LAMA4: variants seen among roughly 807,000 people sequenced by gnomAD.
LAMA4 encodes the protein laminin subunit alpha-4.
LAMA4 carries 127 observed loss-of-function variants against 207.1 expected under a neutral mutation model. That is an observed-to-expected ratio of 0.61 (90% CI 0.53 to 0.71). The LOEUF (loss-of-function observed/expected upper bound fraction) is 0.71, where lower values mean the gene tolerates loss of function less well. LAMA4 is among the 30% of genes least tolerant of loss of function. The pLI, the probability that LAMA4 is intolerant of heterozygous loss-of-function variation, is 0.00. For missense variants in LAMA4, 2,093 were observed against 2,246.5 expected, an observed-to-expected ratio of 0.93 and a Z score of 1.38; for synonymous variants, 761 against 816.0, an observed-to-expected ratio of 0.93 and a Z score of 1.15.
intron 2 of LAMA4, among the ~76,000 whole-genome samples, chr6:112,245,007 C>A (rs953543014): frequency 6.6e-6 from 1 of 152,172 alleles, no homozygotes; most frequent in African/African-American, 2.4e-5. Context: ...TACAATTAAA[C>A]CGCAGCCCAT....
At chr6:112,196,201 C>T (rs1007738282) in intron 5 of LAMA4, among the ~76,000 whole-genome samples, 1 of 152,010 alleles carries the variant, frequency 6.6e-6, no homozygotes. Context: ...TCTTTTCTAG[C>T]TTTTTGAAAA....
intron 2 of LAMA4, chr6:112,234,210 T>G (rs2114288920): frequency 6.6e-6 from 1 of 152,286 alleles, no homozygotes; most frequent in South Asian, 2.1e-4. Context: ...CAAAATGAGC[T>G]AAGCAAGATA....
rs782251597 is a variant in LAMA4 at position 112,133,468 on chromosome 6, G to T, written c.3577C>A (p.Pro1193Thr). ...CATCCTCTGAAGTTGATATCTAGGG[G>T]AAGGTGTGCTCTGAGGGCCCTGGAA... Reference protein sequence around the residue: ...LQSRALRAHLPLDINFRGCMK... With the variant: ...LQSRALRAHLTLDINFRGCMK... The change falls in exon 27 of 39, where the codon CCC becomes ACC. Residue 1193 changes from proline (P) to threonine (T), a missense_variant. Physicochemically the swap from Pro to Thr is conservative, Grantham distance 38 (BLOSUM62 -1). This residue lies in a region of LAMA4 where 1,704 missense variants were observed against 1,788.4 expected (regional missense o/e 0.95). Transcript: ENST00000230538. 6.2e-6 allele frequency: 10 copies of T among 1,613,566 alleles called. No individual in the cohort carries two copies. Among genetic ancestry groups the T allele is most frequent in the Non-Finnish European group, 7.6e-6 (9 of 1,179,698 alleles).
intron 2 of LAMA4, among the ~76,000 whole-genome samples, chr6:112,244,698 C>T (rs372740848): frequency 2.0e-5 from 3 of 152,206 alleles, no homozygotes; most frequent in African/African-American, 4.8e-5. Context: ...CAAGCACCCA[C>T]ACCTCCCCTC....
chr6:112,230,821 A>G (rs782422979), intron 2 of LAMA4, among the ~76,000 whole-genome samples: 7 of 152,212 alleles, frequency 4.6e-5, no homozygotes, highest in Non-Finnish European at 1.0e-4. Context: ...TATGTATTGG[A>G]TGTGTCTTGG....
At chr6:112,193,762 C>A (rs976670688) in intron 5 of LAMA4, among the ~76,000 whole-genome samples, 1 of 152,144 alleles carries the variant, frequency 6.6e-6, no homozygotes, top group South Asian at 2.1e-4. Flanking sequence ...GTGCAAGGTC[C>A]AAACCTTCTG....
At chr6:112,163,227 C>T (rs558851773) in intron 13 of LAMA4, among the ~76,000 whole-genome samples, 2 of 152,174 alleles carry the variant, frequency 1.3e-5, no homozygotes, top group East Asian at 1.9e-4. Context: ...CACTTTCCCC[C>T]ACCTTGGCCT....
intron 38 of LAMA4, among the ~76,000 whole-genome samples, chr6:112,110,989 G>C (rs1777657018): frequency 6.6e-6 from 1 of 152,166 alleles, no homozygotes; most frequent in African/African-American, 2.4e-5. Context: ...TTCAGTAGAG[G>C]AATGAATGGT....
intron 2 of LAMA4, among the ~76,000 whole-genome samples, chr6:112,217,070 T>C (rs1554359022): frequency 6.6e-6 from 1 of 152,212 alleles, no homozygotes; most frequent in East Asian, 1.9e-4. Context: ...CATATATGTA[T>C]TTCATTTGTC....
chr6:112,205,946 G>A (rs567935644), intron 4 of LAMA4, among the ~76,000 whole-genome samples: 20 of 152,308 alleles, frequency 1.3e-4, no homozygotes, highest in Admixed American at 3.9e-4. Context: ...TTGGTGACAC[G>A]TGGAGGTGCT....
chr6:112,247,957 A>G (rs1787116607), intron 2 of LAMA4, among the ~76,000 whole-genome samples: 1 of 152,226 alleles, frequency 6.6e-6, no homozygotes, highest in Non-Finnish European at 1.5e-5. Context: ...CCTCAAAGAC[A>G]TTATGCCAAA....
chr6:112,173,043 C>G lies in LAMA4; in HGVS notation c.1358-239G>C, dbSNP rs557053768. 1.6e-4 allele frequency among the ~76,000 whole-genome samples: 25 copies of G among 152,160 alleles called. 1 individual carries two copies. The highest frequency in any genetic ancestry group is 4.1e-4 in the South Asian group (2 of 4,822). On this transcript the variant is annotated intron_variant, in intron 11 of 38. Transcript: ENST00000230538. ...AAGAAGGGTTTGATTAGTTTTCCCA[C>G]AGAGGTTGTGCTTTTTGTGAAAACC...
chr6:112,169,372 G>T lies in LAMA4; in HGVS notation c.1551+3239C>A, dbSNP rs146092210. Among the ~76,000 whole-genome samples, 172 of 152,306 alleles carry T rather than the reference G, an allele frequency of 1.1e-3. 1 individual carries two copies. Among genetic ancestry groups the T allele is most frequent in the Non-Finnish European group, 2.1e-3 (141 of 68,028 alleles). On this transcript the variant is annotated intron_variant, in intron 12 of 38. Transcript: ENST00000230538. ...AGGAAAGGAAATTGGAGGAAAAAAG[G>T]TGTTGGTTTTCAGCAGGTAATAGCA... is the stretch of plus-strand genomic sequence containing the variant.
In LAMA4 at chr6:112,187,507, A is replaced by G; in HGVS notation, c.909T>C (p.Ser303=). Residue 303 remains serine (S), a synonymous_variant, in exon 8 of 39, where the codon TCT becomes TCC. Coordinates refer to ENST00000230538, the MANE Select transcript of LAMA4 (RefSeq NM_001105206.3). ...TCACGTGCCTATGAGCGGCGGCCCC[A>G]GAGGATACGCTCAGCACCCCGGATT... The part of the protein sequence containing the change: ...EGKSGVLSVS[S]GAAAHRHVNE... 1 of 1,614,130 alleles carries G rather than the reference A, an allele frequency of 6.2e-7. No individual in the cohort carries two copies. Among genetic ancestry groups the G allele is most frequent in the East Asian group, 2.2e-5 (1 of 44,856 alleles).
intron 38 of LAMA4, among the ~76,000 whole-genome samples, chr6:112,113,795 A>T (rs150327161): frequency 1.3e-5 from 2 of 152,172 alleles, no homozygotes; most frequent in Non-Finnish European, 2.9e-5. Flanking sequence ...AAATAAGAGT[A>T]TGTGTGTCAC....
chr6:112,248,676 G>A (rs1312469028), intron 2 of LAMA4, among the ~76,000 whole-genome samples: 3 of 151,908 alleles, frequency 2.0e-5, no homozygotes, highest in African/African-American at 7.3e-5. Context: ...TATTCCATAG[G>A]TAATACTGTT....
chr6:112,119,296 C>T lies in LAMA4; in HGVS notation c.4681G>A (p.Glu1561Lys), dbSNP rs782515490. ...ATTACCAGTCGGCCACTGCTCCTTT[C>T]TCGAATAAATATCACCTGGATGAAG... is the stretch of plus-strand genomic sequence containing the variant. ...GLWHDVIFIR[E>K]RSSGRLVIDG... Residue 1561 changes from glutamate to lysine, a missense_variant, in exon 34 of 39, where the codon GAA (glutamate) becomes AAA (lysine). Glu to Lys is a moderately conservative substitution (Grantham distance 56, BLOSUM62 1). Around this residue, in one of 3 missense-constraint regions of LAMA4, gnomAD observed 383 missense variants for 437.8 expected, o/e 0.87. Coordinates refer to ENST00000230538, the MANE Select transcript of LAMA4 (RefSeq NM_001105206.3). 6.8e-6 allele frequency: 11 copies of T among 1,613,826 alleles called. No homozygotes were observed. The East Asian group carries it at 1.8e-4, about 26-fold the overall frequency.
chr6:112,211,996 A>G (rs1286390652), intron 3 of LAMA4, among the ~76,000 whole-genome samples: 5 of 152,070 alleles, frequency 3.3e-5, no homozygotes, highest in African/African-American at 7.2e-5. Context: ...CTGTGAATTA[A>G]GGCAGTGGGA....
chr6:112,254,534 G>A lies in LAMA4; in HGVS notation c.-217C>T. ...GCCACCTCCTCTCCCTGGCCGTTCGGGACTGGGGACTGCGCTGTCCTGGCT... is the reference window on the plus strand; with the variant it reads ...GCCACCTCCTCTCCCTGGCCGTTCGAGACTGGGGACTGCGCTGTCCTGGCT... On this transcript the variant is annotated 5_prime_UTR_variant, in exon 1 of 39. Coordinates refer to ENST00000230538, the MANE Select transcript of LAMA4 (RefSeq NM_001105206.3). 5.8e-6 allele frequency: 2 copies of A among 344,898 alleles called. No homozygotes were observed. Among genetic ancestry groups the A allele is most frequent in the South Asian group, 2.5e-5 (1 of 39,452 alleles). The allele number at this position is 344,898 out of a possible 1,614,324, so 21.4% of individuals were successfully genotyped here.
Sources: allele counts gnomAD v4.1 joint callset (sites outside exome capture counted in the v4.1 genomes callset), GRCh38; gene constraint gnomAD v4.1.1; regional missense constraint gnomAD v4.1.1; transcripts MANE v1.5; gene names NCBI Gene and HGNC (gene_info 2026-07-23, HGNC 2026-07-21).